The following LARGE1 variants were observed in gnomAD, a reference collection of about 807,000 sequenced individuals.
The protein encoded by LARGE1 is LARGE xylosyl- and glucuronyltransferase 1, also known as xylosyl- and glucuronyltransferase LARGE1.
In LARGE1, 43 loss-of-function variants were observed where a neutral mutation model predicts 87.6. That is an observed-to-expected ratio of 0.49 (90% CI 0.38 to 0.63). The LOEUF (loss-of-function observed/expected upper bound fraction) is 0.63, where lower values mean the gene tolerates loss of function less well. Ranked by LOEUF, LARGE1 falls within the 30% of genes least tolerant of loss-of-function variation. The pLI is 0.00. For synonymous variants in LARGE1, 434 were observed against 394.6 expected (o/e 1.10, Z -1.18); for missense variants, 802 against 1,000.2 (o/e 0.80, Z 2.67).
At chr22:33,268,257 A>G (rs1025994947), downstream of LARGE1, among the ~76,000 whole-genome samples, 7 of 148,714 alleles carry the variant, frequency 4.7e-5, no homozygotes, top group African/African-American at 1.5e-4. Flanking sequence ...CCCGGCCCGC[A>G]AAAGTCAAAA....
chr22:33,283,867 A>G (rs1930986472), intron 12 of LARGE1, among the ~76,000 whole-genome samples: 1 of 151,956 alleles, frequency 6.6e-6, no homozygotes, highest in Admixed American at 6.6e-5. Flanking sequence ...TAAAGAAAGA[A>G]AAAAGAAGGA....
At chr22:33,306,607 T>C (rs550513298) in intron 11 of LARGE1, among the ~76,000 whole-genome samples, 10 of 152,262 alleles carry the variant, frequency 6.6e-5, no homozygotes, top group African/African-American at 2.4e-4. Context: ...GAGCGGTGGC[T>C]CATGCCTGTA....
At chr22:33,545,691 G>C (rs1013389075) in intron 6 of LARGE1, among the ~76,000 whole-genome samples, 7 of 152,098 alleles carry the variant, frequency 4.6e-5, no homozygotes, top group Non-Finnish European at 1.0e-4. Context: ...TGTCTGCCTC[G>C]GCTTCCCAAA....
At chr22:33,691,603 A>G (rs142346130) in intron 2 of LARGE1, among the ~76,000 whole-genome samples, 15 of 152,262 alleles carry the variant, frequency 9.9e-5, no homozygotes, top group African/African-American at 3.6e-4. Flanking sequence ...ATACATCTCT[A>G]CGCAGGTTCA....
At chr22:33,110,033 C>T in the LARGE1 span, among the ~76,000 whole-genome samples, 56 of 152,334 alleles carry the variant, frequency 3.7e-4, no homozygotes, top group African/African-American at 1.3e-3. Context: ...TGAACTAACA[C>T]GCTTACTCAT....
At position 33,651,225 on chromosome 22, in the gene LARGE1, C is replaced by CAAAAAAAAAAAAAAAAAAAAAAAAAAA. The variant is rs71187275; in HGVS notation, c.107-558_107-557insTTTTTTTTTTTTTTTTTTTTTTTTTTT. ...TGAAACCCGGTCTCTACTAAAAATACAAAAAAAAAAAAAAAAATTAGCCGG... is the reference window on the plus strand; with the variant it reads ...TGAAACCCGGTCTCTACTAAAAATACAAAAAAAAAAAAAAAAAAAAAAAAAAAAAAAAAAAAAAAAAAAATTAGCCGG... On this transcript the variant is annotated intron_variant, in intron 2 of 14. Transcript: ENST00000397394. 1.6e-3 allele frequency among the ~76,000 whole-genome samples: 91 copies of CAAAAAAAAAAAAAAAAAAAAAAAAAAA among 56,558 alleles called. 16 individuals carry two copies. Among genetic ancestry groups the CAAAAAAAAAAAAAAAAAAAAAAAAAAA allele is most frequent in the Non-Finnish European group, 2.5e-3 (69 of 27,546 alleles). 37.1% of individuals were successfully genotyped at this position (56,558 alleles called of 152,430 possible). A position where few individuals can be genotyped will look rare whatever the true frequency, so the allele number is the denominator to read the frequency against.
At chr22:33,140,452 G>A in the LARGE1 span, among the ~76,000 whole-genome samples, 1 of 152,220 alleles carries the variant, frequency 6.6e-6, no homozygotes, top group Non-Finnish European at 1.5e-5. Flanking sequence ...TATTGTTCCT[G>A]TGTGTATCTG....
the LARGE1 span, among the ~76,000 whole-genome samples, chr22:33,082,410 C>A: frequency 6.6e-6 from 1 of 152,142 alleles, no homozygotes; most frequent in Non-Finnish European, 1.5e-5. Context: ...TAATGTATTG[C>A]AGCTGACCCT....
rs139629467 is a variant in LARGE1, at chr22:33,696,752, T to C, written c.107-46084A>G. Among the ~76,000 whole-genome samples, 240 of 152,314 alleles carry C rather than the reference T, an allele frequency of 1.6e-3. 2 individuals are homozygous for C. Among genetic ancestry groups the C allele is most frequent in the Non-Finnish European group, 1.3e-3 (89 of 68,040 alleles). The stretch of plus-strand genomic sequence containing the variant: ...GTCTTTCCTGCTTCCTGTGAGTTGC[T>C]TGAACATTTTTTAGAATTCCATTGT... On this transcript the variant is annotated intron_variant, in intron 2 of 14. Transcript: ENST00000397394.
At chr22:33,135,319 C>G in the LARGE1 span, among the ~76,000 whole-genome samples, 1 of 152,240 alleles carries the variant, frequency 6.6e-6, no homozygotes, top group East Asian at 1.9e-4. Flanking sequence ...CACTGGATAT[C>G]CAGGTGTTGT....
At chr22:33,674,917 G>T (rs970013145) in intron 2 of LARGE1, among the ~76,000 whole-genome samples, 1 of 151,894 alleles carries the variant, frequency 6.6e-6, no homozygotes, top group Admixed American at 6.6e-5. Context: ...GAGAGGGAGT[G>T]TATGTTTTAA....
At chr22:33,373,469 T>C (rs1366783863) in intron 9 of LARGE1, among the ~76,000 whole-genome samples, 1 of 152,188 alleles carries the variant, frequency 6.6e-6, no homozygotes, top group African/African-American at 2.4e-5. Context: ...GAGGCAGAGG[T>C]TTCCTCTGGA....
At chr22:33,617,992 CAT>C (rs1437819943) in intron 4 of LARGE1, among the ~76,000 whole-genome samples, 1 of 152,170 alleles carries the variant, frequency 6.6e-6, no homozygotes, top group Non-Finnish European at 1.5e-5. Context: ...GGCCTGTTTT[CAT>C]TAAAATATAC....
chr22:33,839,535 T>C (rs1217151337), intron 1 of LARGE1, among the ~76,000 whole-genome samples: 3 of 152,092 alleles, frequency 2.0e-5, no homozygotes, highest in East Asian at 3.9e-4. Flanking sequence ...AACAAACAAA[T>C]AAATAACTGA....
At chr22:33,277,941 G>A (rs1038258874) in intron 13 of LARGE1, among the ~76,000 whole-genome samples, 2 of 152,096 alleles carry the variant, frequency 1.3e-5, no homozygotes, top group African/African-American at 4.8e-5. Context: ...AGTATCAGAC[G>A]GTCCCCCATG....
intron 5 of LARGE1, among the ~76,000 whole-genome samples, chr22:33,577,338 A>T (rs569713811): frequency 2.6e-5 from 4 of 152,352 alleles, no homozygotes; most frequent in African/African-American, 9.6e-5. Context: ...ACACTAAAAT[A>T]GCCACAAAAC....
chr22:33,190,284 G>C (rs1340389665), intron 11 of LARGE1, among the ~76,000 whole-genome samples: 1 of 152,094 alleles, frequency 6.6e-6, no homozygotes, highest in Admixed American at 6.5e-5. Flanking sequence ...AATTTCCATA[G>C]AGTACATAAA....
intron 12 of LARGE1, among the ~76,000 whole-genome samples, chr22:33,286,613 A>AG (rs2145930549): frequency 6.6e-6 from 1 of 152,320 alleles, no homozygotes; most frequent in African/African-American, 2.4e-5. Context: ...AAATCTCTCT[A>AG]AACTGGGGCC....
chr22:33,609,058 T>G (rs1353169436), intron 4 of LARGE1, among the ~76,000 whole-genome samples: 1 of 152,202 alleles, frequency 6.6e-6, no homozygotes, highest in Non-Finnish European at 1.5e-5. Flanking sequence ...TATTTTCAAT[T>G]AGTTCTTCCA....
Sources: gnomAD v4.1 joint callset for allele counts (sites outside exome capture counted in the v4.1 genomes callset) on GRCh38, gnomAD v4.1.1 for gene constraint, MANE v1.5 for transcripts, NCBI Gene and HGNC (gene_info 2026-07-23, HGNC 2026-07-21) for gene names.